Variants in RHOF observed in about 807,000 individuals in gnomAD.
RHOF encodes rho-related GTP-binding protein RhoF.
RHOF carries 21 observed loss-of-function variants against 22.2 expected under a neutral mutation model. The observed-to-expected ratio is 0.95, with a 90% confidence interval of 0.67 to 1.36. RHOF has a LOEUF of 1.36. Ranked by LOEUF, RHOF falls within the 40% of genes most tolerant of loss-of-function variation. RHOF has a pLI of 0.00. For missense variants in RHOF, 285 were observed against 293.7 expected, an observed-to-expected ratio of 0.97 and a Z score of 0.22; for synonymous variants, 135 against 131.2, an observed-to-expected ratio of 1.03 and a Z score of -0.20.
At position 121,783,938 on chromosome 12, in the gene RHOF, C is replaced by A. The variant is rs1874542527; in HGVS notation, c.227-2746G>T. Among the ~76,000 whole-genome samples the A allele has an allele frequency of 3.3e-5, 5 of 152,118 alleles. 1 individual carries two copies. Among genetic ancestry groups the A allele is most frequent in the African/African-American group, 1.2e-4 (5 of 41,430 alleles). On this transcript the variant is annotated intron_variant, in intron 2 of 4. Transcript: ENST00000267205. The stretch of plus-strand genomic sequence containing the variant: ...CTTTGCATAAAATCCAAACATCTCC[C>A]CTGGTTCACATGACTTCATCGCCTG...
At chr12:121,788,261 T>C (rs1294614749) in intron 2 of RHOF, among the ~76,000 whole-genome samples, 1 of 152,132 alleles carries the variant, frequency 6.6e-6, no homozygotes, top group Non-Finnish European at 1.5e-5. Context: ...TTTTTTTTCT[T>C]AGCCTACCCC....
chr12:121,788,196 AG>A (rs1874663204), intron 2 of RHOF, among the ~76,000 whole-genome samples: 1 of 152,198 alleles, frequency 6.6e-6, no homozygotes, highest in Non-Finnish European at 1.5e-5. Context: ...GACTTGCCCC[AG>A]GCCACACAGC....
chr12:121,779,518 G>A lies in RHOF; in HGVS notation c.616C>T (p.Arg206Trp), dbSNP rs764888399. The A allele has an allele frequency of 1.6e-5, 26 of 1,612,712 alleles. No individual in the cohort carries two copies. In the Admixed American group the frequency reaches 1.8e-4, roughly 11 times the overall value. Residue 206 changes from arginine to tryptophan, a missense_variant, in exon 5 of 5, where the codon CGG becomes TGG. Arg to Trp is a moderately radical substitution (Grantham distance 101). Transcript: ENST00000267205. ...CTGGGTCAGAGCAGCAGGCAGAGCCGGCGCTTCTTCTGCCGTTGCGCCTTC... is the reference window on the plus strand; with the variant it reads ...CTGGGTCAGAGCAGCAGGCAGAGCCAGCGCTTCTTCTGCCGTTGCGCCTTC... ...LKKAQRQKKR[R>W]LCLLL
chr12:121,790,694 G>A (rs1221152043), intron 2 of RHOF, among the ~76,000 whole-genome samples: 1 of 152,140 alleles, frequency 6.6e-6, no homozygotes, highest in Non-Finnish European at 1.5e-5. Flanking sequence ...GTCAGACTGT[G>A]AGGCTAGCCA....
At chr12:121,792,767 TCCGAGCAC>T (rs1401716348) in intron 2 of RHOF, among the ~76,000 whole-genome samples, 1 of 152,088 alleles carries the variant, frequency 6.6e-6, no homozygotes, top group Non-Finnish European at 1.5e-5. Flanking sequence ...GCCCAGGCAA[TCCGAGCAC>T]CAAGGGACTC....
chr12:121,784,329 G>A (rs1046646972), intron 2 of RHOF, among the ~76,000 whole-genome samples: 4 of 151,682 alleles, frequency 2.6e-5, no homozygotes, highest in African/African-American at 7.3e-5. Context: ...GGGGGATCAC[G>A]AGGTCAGGAT....
chr12:121,792,540 T>A (rs1874790973), intron 2 of RHOF, among the ~76,000 whole-genome samples: 1 of 152,216 alleles, frequency 6.6e-6, no homozygotes, highest in Non-Finnish European at 1.5e-5. Context: ...CACTGTCTGG[T>A]TTTGTCCCAG....
Position 121,780,852 on chromosome 12 carries a change from G to A in RHOF, c.471+20C>T, listed in dbSNP as rs1220285589. On this transcript the variant is annotated intron_variant, in intron 4 of 4. Coordinates refer to ENST00000267205, the MANE Select transcript of RHOF (RefSeq NM_019034.3). ...GCTTCACAGCCACGGCTGTGCCCCA[G>A]GGTCTTGGCCCCGGCCCACCTGCAT... 2 of 1,607,766 alleles carry A rather than the reference G, an allele frequency of 1.2e-6. No individual in the cohort carries two copies. Among genetic ancestry groups the A allele is most frequent in the Non-Finnish European group, 8.5e-7 (1 of 1,177,376 alleles).
At chr12:121,790,680 G>T (rs1335023446) in intron 2 of RHOF, among the ~76,000 whole-genome samples, 2 of 152,116 alleles carry the variant, frequency 1.3e-5, no homozygotes, top group Admixed American at 1.3e-4. Context: ...CCTCCTTGGG[G>T]TCTGTCAGAC....
intron 2 of RHOF, among the ~76,000 whole-genome samples, chr12:121,785,096 G>T (rs1874572276): frequency 6.6e-6 from 1 of 152,204 alleles, no homozygotes; most frequent in African/African-American, 2.4e-5. Flanking sequence ...AGCCAAGGCG[G>T]GAGGATCACT....
At chr12:121,789,223 C>T (rs1391575002) in intron 2 of RHOF, among the ~76,000 whole-genome samples, 1 of 145,210 alleles carries the variant, frequency 6.9e-6, no homozygotes, top group Non-Finnish European at 1.5e-5. Flanking sequence ...GAGCGAGACC[C>T]TGTCTCTAAC....
chr12:121,780,479 G>T, intron 4 of RHOF: 1 of 345,834 alleles, frequency 2.9e-6, no homozygotes, highest in African/African-American at 2.1e-5. Context: ...GCCCGTGAAG[G>T]GGACGCCTAC....
At position 121,779,225 on chromosome 12, in the gene RHOF, G is replaced by C; in HGVS notation, c.*273C>G. On this transcript the variant is annotated 3_prime_UTR_variant, in exon 5 of 5. Transcript: ENST00000267205. ...TCTGCACTGGGGAGACACTCGTGGTGGGGGTGGCTGTGATGAGGGCACTTG... is the reference window on the plus strand; with the variant it reads ...TCTGCACTGGGGAGACACTCGTGGTCGGGGTGGCTGTGATGAGGGCACTTG... 2.0e-6 allele frequency: 1 copy of C among 503,466 alleles called. No homozygotes were observed. The highest frequency in any genetic ancestry group is 3.6e-6 in the Non-Finnish European group (1 of 276,904). 31.2% of individuals were successfully genotyped at this position (503,466 alleles called of 1,614,324 possible).
chr12:121,789,386 C>T (rs1874703853), intron 2 of RHOF, among the ~76,000 whole-genome samples: 1 of 152,142 alleles, frequency 6.6e-6, no homozygotes, highest in Non-Finnish European at 1.5e-5. Flanking sequence ...AAGGGAGGCT[C>T]ATGCCGCACA....
chr12:121,781,019 G>T lies in RHOF; in HGVS notation c.337-13C>A. On this transcript the variant is annotated splice_polypyrimidine_tract_variant and intron_variant, in intron 3 of 4. Coordinates refer to ENST00000267205, the MANE Select transcript of RHOF (RefSeq NM_019034.3). ...CCTCAGGGAACCACTGTGGAGGGAG[G>T]AGGCGGGATCAGGGGTGCGGCCGGG... 6.2e-7 allele frequency: 1 copy of T among 1,613,522 alleles called. No individual in the cohort carries two copies.
At chr12:121,791,662 C>T (rs1874767966) in intron 2 of RHOF, among the ~76,000 whole-genome samples, 1 of 152,186 alleles carries the variant, frequency 6.6e-6, no homozygotes, top group Non-Finnish European at 1.5e-5. Flanking sequence ...CTGACATGTT[C>T]CTTGAGCATC....
Position 121,779,602 on chromosome 12 carries a change from G to A in RHOF, c.532C>T (p.Arg178Trp), listed in dbSNP as rs781097211. 7.4e-5 allele frequency: 120 copies of A among 1,614,104 alleles called. No homozygotes were observed. Among genetic ancestry groups the A allele is most frequent in the Non-Finnish European group, 9.7e-5 (115 of 1,180,044 alleles). The change falls in exon 5 of 5, where the codon CGG becomes TGG. Residue 178 changes from arginine (R) to tryptophan (W), a missense_variant. Physicochemically the swap from Arg to Trp is moderately radical, Grantham distance 101. Transcript: ENST00000267205. The stretch of plus-strand genomic sequence containing the variant: ...CGGAAGACGTCCTCCACATTCTCCC[G>A]AAACTTGGCGGAACATTCCAGGTAG... ...ALYLECSAKF[R>W]ENVEDVFREA...
intron 2 of RHOF, 39 bp downstream of exon 2, chr12:121,793,113 G>A: frequency 6.6e-7 from 1 of 1,524,718 alleles, no homozygotes; most frequent in South Asian, 1.2e-5. Flanking sequence ...CCTTCGGGCG[G>A]GCGGACCCTC....
chr12:121,788,106 C>A (rs894541889), intron 2 of RHOF, among the ~76,000 whole-genome samples: 5 of 152,070 alleles, frequency 3.3e-5, no homozygotes, highest in Non-Finnish European at 5.9e-5. Flanking sequence ...ACTCATCTTT[C>A]CCCCAAAAGC....
Sources: gnomAD v4.1 joint callset for allele counts (sites outside exome capture counted in the v4.1 genomes callset) on GRCh38, gnomAD v4.1.1 for gene constraint, MANE v1.5 for transcripts, NCBI Gene and HGNC (gene_info 2026-07-23, HGNC 2026-07-21) for gene names.